Variants in PIK3R6 observed in about 807,000 individuals in gnomAD.
The protein encoded by PIK3R6 is phosphoinositide 3-kinase regulatory subunit 6.
Under a neutral mutation model 84.9 loss-of-function variants are expected in PIK3R6, and 91 were observed. The observed-to-expected ratio is 1.07, with a 90% confidence interval of 0.90 to 1.28. The LOEUF is 1.28. PIK3R6 is among the 50% of genes most tolerant of loss of function. PIK3R6 has a pLI of 0.00. For synonymous variants in PIK3R6, 416 were observed against 411.4 expected (o/e 1.01, Z -0.13); for missense variants, 996 against 985.1 (o/e 1.01, Z -0.15).
At chr17:8,859,563 G>A (rs1389347953) in intron 1 of PIK3R6, among the ~76,000 whole-genome samples, 1 of 152,192 alleles carries the variant, frequency 6.6e-6, no homozygotes, top group East Asian at 1.9e-4. Flanking sequence ...GCATCTGAAT[G>A]CAGGGAGTGA....
chr17:8,820,352 A>G lies in PIK3R6; in HGVS notation c.1880-1154T>C, dbSNP rs114845475. Among the ~76,000 whole-genome samples the G allele has an allele frequency of 8.9e-3, 1,359 of 152,058 alleles. 19 individuals carry two copies. The highest frequency in any genetic ancestry group is 0.031 in the African/African-American group (1,295 of 41,448). On this transcript the variant is annotated intron_variant, in intron 17 of 19. Coordinates refer to ENST00000619866, the MANE Select transcript of PIK3R6 (RefSeq NM_001010855.4). ...ATGGAAGGAATATAGTTTGAACAAT[A>G]AGAGCTAACATTTATCGTTTACTCT...
intron 1 of PIK3R6, among the ~76,000 whole-genome samples, chr17:8,854,933 C>T (rs2089085108): frequency 1.3e-5 from 2 of 152,200 alleles, no homozygotes; most frequent in Admixed American, 1.3e-4. Context: ...GTGGCTCACA[C>T]CTGTAATCCC....
At position 8,832,929 on chromosome 17, in the gene PIK3R6, A is replaced by G; in HGVS notation, c.762T>C (p.Ile254=). ...REGHVERLEE[I]YCSLLGPAAG... Reference sequence around the variant, plus strand: ...CCGCGGGACCCAGCAGCGAGCAGTAAATCTCCTCCAGCCTCTCTACGTGTC... The same window carrying G: ...CCGCGGGACCCAGCAGCGAGCAGTAGATCTCCTCCAGCCTCTCTACGTGTC... The change falls in exon 9 of 20, where the codon ATT becomes ATC. Residue 254 remains isoleucine, a synonymous_variant. Coordinates refer to ENST00000619866, the MANE Select transcript of PIK3R6 (RefSeq NM_001010855.4). The G allele has an allele frequency of 1.2e-6, 2 of 1,612,870 alleles. No individual in the cohort carries two copies. The highest frequency in any genetic ancestry group is 1.7e-6 in the Non-Finnish European group (2 of 1,179,710).
rs2087775813 is a variant in PIK3R6 at position 8,822,590 on chromosome 17, C to G, written c.1785G>C (p.Gln595His). The change falls in exon 16 of 20, where the codon CAG becomes CAC. Residue 595 changes from glutamine (Q) to histidine (H), a missense_variant. By Grantham distance (24) the Gln-to-His change is conservative. Coordinates refer to ENST00000619866, the MANE Select transcript of PIK3R6 (RefSeq NM_001010855.4). The stretch of plus-strand genomic sequence containing the variant: ...GACCACGTCCATGCACACTGACCTT[C>G]TGGTAGCATAGGGAGAGCTCTGCCC... ...GPGAELSLCY[Q>H]KALLSHRPRE... is the part of the protein sequence containing the mutation. 3 of 1,613,898 alleles carry G rather than the reference C, an allele frequency of 1.9e-6. No homozygotes were observed. Among genetic ancestry groups the G allele is most frequent in the Non-Finnish European group, 1.7e-6 (2 of 1,179,896 alleles).
chr17:8,835,682 C>T (rs1242859140), intron 7 of PIK3R6, among the ~76,000 whole-genome samples: 5 of 152,170 alleles, frequency 3.3e-5, no homozygotes, highest in Non-Finnish European at 7.4e-5. Context: ...CTCTAATCCA[C>T]TGTCCACAGA....
chr17:8,853,285 A>G (rs891727605), intron 1 of PIK3R6, among the ~76,000 whole-genome samples: 2 of 151,606 alleles, frequency 1.3e-5, no homozygotes, highest in African/African-American at 2.4e-5. Context: ...GCAGATGGAG[A>G]CCATCCTGGC....
At chr17:8,861,836 T>C (rs2089294511) in intron 1 of PIK3R6, among the ~76,000 whole-genome samples, 1 of 152,216 alleles carries the variant, frequency 6.6e-6, no homozygotes, top group Admixed American at 6.5e-5. Flanking sequence ...AAGTGCTTCC[T>C]TGAAGTGAGT....
At chr17:8,816,332 A>C (rs2087539109) in intron 18 of PIK3R6, among the ~76,000 whole-genome samples, 1 of 152,220 alleles carries the variant, frequency 6.6e-6, no homozygotes. Flanking sequence ...TTTTGCAACC[A>C]ATGTGATAAG....
Position 8,803,808 on chromosome 17 carries a change from G to T in PIK3R6, c.2108+233C>A, listed in dbSNP as rs1438641740. On this transcript the variant is annotated intron_variant, in intron 19 of 19. Transcript: ENST00000619866. This position sits in a 1 kb window ranked among gnomAD's most constrained non-coding sequence, Gnocchi z 5.0. The stretch of plus-strand genomic sequence containing the variant: ...CTGAGTGTATGCAGAGGCATCTGGG[G>T]AAAATGCAATATCAGCTGCTGCCCT... The T allele has an allele frequency of 1.2e-5, 7 of 589,422 alleles. No individual in the cohort carries two copies. In the East Asian group the frequency reaches 1.4e-4, roughly 12 times the overall value. 36.5% of individuals were successfully genotyped at this position (589,422 alleles called of 1,614,324 possible). A position where few individuals can be genotyped will look rare whatever the true frequency, so the allele number is the denominator to read the frequency against.
chr17:8,865,169 C>T (rs1276529638), intron 1 of PIK3R6, among the ~76,000 whole-genome samples: 1 of 152,158 alleles, frequency 6.6e-6, no homozygotes, highest in African/African-American at 2.4e-5. Flanking sequence ...GGAGGAAGAT[C>T]TGAGGAAGCC....
At chr17:8,859,581 T>C (rs931751442) in intron 1 of PIK3R6, among the ~76,000 whole-genome samples, 2 of 152,164 alleles carry the variant, frequency 1.3e-5, no homozygotes, top group Non-Finnish European at 2.9e-5. Flanking sequence ...TGAGTCAAGA[T>C]CTGCCCTCAG....
At chr17:8,829,417 C>T (rs536284246) in intron 10 of PIK3R6, among the ~76,000 whole-genome samples, 1 of 150,362 alleles carries the variant, frequency 6.7e-6, no homozygotes, top group African/African-American at 2.5e-5. Flanking sequence ...CACACAGACA[C>T]ACTGACACAC....
intron 1 of PIK3R6, among the ~76,000 whole-genome samples, chr17:8,858,569 G>A (rs1022478614): frequency 6.6e-5 from 10 of 152,084 alleles, no homozygotes; most frequent in Admixed American, 5.9e-4. Flanking sequence ...CACCCACCTC[G>A]GCCTCCCAGA....
At chr17:8,856,145 A>G (rs2089134531) in intron 1 of PIK3R6, among the ~76,000 whole-genome samples, 1 of 152,208 alleles carries the variant, frequency 6.6e-6, no homozygotes, top group South Asian at 2.1e-4. Flanking sequence ...AAAATAGGTC[A>G]GTGTCAGATA....
In PIK3R6 at chr17:8,834,687, C is replaced by T. The variant is rs374402351; in HGVS notation, c.645+586G>A. On this transcript the variant is annotated intron_variant, in intron 8 of 19. Coordinates refer to ENST00000619866, the MANE Select transcript of PIK3R6 (RefSeq NM_001010855.4). ...CAATTATAGGCATGAACCACCACAC[C>T]AGGCTCTTATAGGTCATTGCAATCA... Among the ~76,000 whole-genome samples the T allele has an allele frequency of 2.3e-4, 35 of 152,164 alleles. No homozygotes were observed. The East Asian group carries it at 3.1e-3, about 13-fold the overall frequency.
intron 18 of PIK3R6, among the ~76,000 whole-genome samples, chr17:8,813,490 T>C (rs1485732380): frequency 6.6e-6 from 1 of 152,110 alleles, no homozygotes; most frequent in Non-Finnish European, 1.5e-5. Flanking sequence ...CTGATGAACA[T>C]AGATGCAAAA....
chr17:8,860,285 G>T (rs547984369), intron 1 of PIK3R6, among the ~76,000 whole-genome samples: 6 of 141,006 alleles, frequency 4.3e-5, no homozygotes, highest in Admixed American at 1.4e-4. Flanking sequence ...TCCGCCTCCT[G>T]GGGCGGGGGG....
Position 8,828,788 on chromosome 17 carries a change from G to A in PIK3R6, c.1092C>T (p.Ala364=), listed in dbSNP as rs370475229. 4.4e-6 allele frequency: 7 copies of A among 1,587,698 alleles called. No homozygotes were observed. The East Asian group carries it at 9.0e-5, about 20-fold the overall frequency. Residue 364 remains alanine (A), a synonymous_variant, in exon 11 of 20, where the codon GCC becomes GCT. Transcript: ENST00000619866. ...PAPGSPEMER[A]GLQRKGGIKK... The stretch of plus-strand genomic sequence containing the variant: ...TGATGCCCCCTTTGCGCTGCAGCCC[G>A]GCTCGCTCCATCTCAGGGCTGCCGG...
In PIK3R6 at chr17:8,829,295, TAC is replaced by T. The variant is rs570481137; in HGVS notation, c.890-307_890-306del. ...CACTGACACACACACGCATCATGCA[TAC>T]ACACACACTGACACACGCATGCACG... On this transcript the variant is annotated intron_variant, in intron 10 of 19. Coordinates refer to ENST00000619866, the MANE Select transcript of PIK3R6 (RefSeq NM_001010855.4). Among the ~76,000 whole-genome samples the T allele has an allele frequency of 8.7e-3, 838 of 96,646 alleles. 4 individuals are homozygous for T. Among genetic ancestry groups the T allele is most frequent in the Non-Finnish European group, 0.011 (549 of 49,928 alleles). 63.4% of individuals were successfully genotyped at this position (96,646 alleles called of 152,430 possible).
Sources: allele counts gnomAD v4.1 joint callset (sites outside exome capture counted in the v4.1 genomes callset), GRCh38; gene constraint gnomAD v4.1.1; non-coding constraint Gnocchi (gnomAD v3.1); transcripts MANE v1.5; gene names NCBI Gene and HGNC (gene_info 2026-07-23, HGNC 2026-07-21).